Variants in KALRN observed in about 807,000 individuals in gnomAD.
KALRN encodes the protein kalirin RhoGEF kinase, also known as kalirin.
In KALRN, 70 loss-of-function variants were observed where a neutral mutation model predicts 353.7. The observed-to-expected ratio is 0.20, with a 90% CI of 0.16 to 0.24. The LOEUF (loss-of-function observed/expected upper bound fraction) is 0.24, where lower values mean the gene tolerates loss of function less well. Ranked by LOEUF, KALRN falls within the 10% of genes least tolerant of loss-of-function variation. KALRN has a pLI of 1.00. For synonymous variants in KALRN, 1,391 were observed against 1,434.8 expected, an observed-to-expected ratio of 0.97 and a Z score of 0.69; for missense variants, 2,791 against 3,756.7, an observed-to-expected ratio of 0.74 and a Z score of 6.72.
chr3:124,492,659 AGACTG>A (rs2063296263), intron 31 of KALRN, 76 bp from the exon 32 acceptor site: 3 of 1,382,784 alleles, frequency 2.2e-6, no homozygotes, highest in Non-Finnish European at 3.0e-6. Context: ...TAACAGATGA[AGACTG>A]CAGGAGGGTT....
chr3:124,131,336 A>G (rs1196609716), intron 1 of KALRN, among the ~76,000 whole-genome samples: 1 of 152,156 alleles, frequency 6.6e-6, no homozygotes, highest in African/African-American at 2.4e-5. Context: ...CCAGTTACCA[A>G]CTGTGTTTAC....
intron 33 of KALRN, among the ~76,000 whole-genome samples, chr3:124,538,245 TG>T (rs2068702961): frequency 7.9e-6 from 1 of 125,912 alleles, no homozygotes; most frequent in Non-Finnish European, 1.6e-5. Context: ...AAAGAGTGTT[TG>T]TGTGTGTGTG....
intron 1 of KALRN, among the ~76,000 whole-genome samples, chr3:124,074,376 G>A (rs1375806777): frequency 6.6e-6 from 1 of 152,226 alleles, no homozygotes; most frequent in Non-Finnish European, 1.5e-5. Flanking sequence ...TGGCAGGCCT[G>A]ACTGGTCAGG....
intron 34 of KALRN, among the ~76,000 whole-genome samples, chr3:124,619,724 T>C (rs1187603190): frequency 1.3e-5 from 2 of 152,084 alleles, no homozygotes; most frequent in African/African-American, 4.8e-5. Flanking sequence ...TAAGCTCAAA[T>C]GATTCGCCCG....
chr3:124,541,388 T>C (rs1200595766), intron 33 of KALRN, among the ~76,000 whole-genome samples: 1 of 151,674 alleles, frequency 6.6e-6, no homozygotes, highest in African/African-American at 2.4e-5. Context: ...AGGCGGAGGT[T>C]GCAGTGAGCC....
At chr3:124,553,184 G>A (rs981610769) in intron 33 of KALRN, among the ~76,000 whole-genome samples, 10 of 152,200 alleles carry the variant, frequency 6.6e-5, no homozygotes, top group Non-Finnish European at 1.5e-4. Flanking sequence ...AGCATGTAAT[G>A]CATATCAGGG....
intron 18 of KALRN, among the ~76,000 whole-genome samples, chr3:124,440,619 T>C (rs916349949): frequency 6.6e-6 from 1 of 150,680 alleles, no homozygotes; most frequent in Non-Finnish European, 1.5e-5. Flanking sequence ...CTATTAATTA[T>C]ATAATAATTT....
chr3:124,511,359 T>C (rs1382510982), intron 33 of KALRN, among the ~76,000 whole-genome samples: 1 of 152,172 alleles, frequency 6.6e-6, no homozygotes, highest in Non-Finnish European at 1.5e-5. Flanking sequence ...GAACTGAAAC[T>C]AAACTCATCA....
intron 9 of KALRN, 85 bp from the exon 10 acceptor site, chr3:124,347,058 G>T (rs1232856155): frequency 1.6e-5 from 26 of 1,592,644 alleles, no homozygotes; most frequent in Non-Finnish European, 2.1e-5. Flanking sequence ...TATAGGGGTG[G>T]TTAGGACTCT....
intron 34 of KALRN, among the ~76,000 whole-genome samples, chr3:124,563,803 T>G (rs1407824637): frequency 6.6e-6 from 1 of 151,976 alleles, no homozygotes; most frequent in Non-Finnish European, 1.5e-5. Context: ...GAAATGCAGG[T>G]GCCAGCCTGG....
chr3:124,633,992 G>A (rs540186822), intron 36 of KALRN, 39 bp downstream of exon 36: 1 of 1,527,550 alleles, frequency 6.5e-7, no homozygotes, highest in South Asian at 1.1e-5. Context: ...AGAGCAACGT[G>A]CCGTGCGTGA....
At position 124,033,542 on chromosome 3, in the gene KALRN, G is replaced by A. The variant is rs994985724; in HGVS notation, c.-199G>A. Reference sequence around the variant, plus strand: ...AGCTGGCGGCAGGCACCCCCAGCCCGCCGCGCGCCTCCGCCTGAGGGAGGC... The same window carrying A: ...AGCTGGCGGCAGGCACCCCCAGCCCACCGCGCGCCTCCGCCTGAGGGAGGC... On this transcript the variant is annotated 5_prime_UTR_variant, in exon 1 of 60. Transcript: ENST00000682506. This position sits in a 1 kb window ranked among gnomAD's most constrained non-coding sequence, Gnocchi z 6.2. Among the ~76,000 whole-genome samples the A allele has an allele frequency of 1.3e-5, 2 of 151,526 alleles. No individual in the cohort carries two copies. The highest frequency in any genetic ancestry group is 4.8e-5 in the African/African-American group (2 of 41,324).
At chr3:124,611,166 G>A (rs1421206935) in intron 34 of KALRN, among the ~76,000 whole-genome samples, 2 of 152,172 alleles carry the variant, frequency 1.3e-5, no homozygotes. Flanking sequence ...TGCTGATAAG[G>A]CAGCCTTTTA....
At chr3:124,477,056 G>A (rs1176290279) in intron 26 of KALRN, among the ~76,000 whole-genome samples, 189 bp from the exon 27 acceptor site, 9 of 152,196 alleles carry the variant, frequency 5.9e-5, no homozygotes, top group Non-Finnish European at 1.3e-4. Context: ...CGTGCTGACA[G>A]GAGAAAGACA....
At chr3:124,506,451 G>T (rs2065241692) in intron 33 of KALRN, among the ~76,000 whole-genome samples, 1 of 152,178 alleles carries the variant, frequency 6.6e-6, no homozygotes, top group Non-Finnish European at 1.5e-5. Flanking sequence ...TGTTCAGAAT[G>T]TTCAGATAGT....
chr3:124,116,526 TTCTTA>T (rs765259676), intron 1 of KALRN, among the ~76,000 whole-genome samples: 17 of 152,218 alleles, frequency 1.1e-4, no homozygotes, highest in South Asian at 2.1e-4. Context: ...AATCTAGCTT[TTCTTA>T]TCTTAAGTCT....
intron 33 of KALRN, among the ~76,000 whole-genome samples, chr3:124,551,708 C>A (rs1455804708): frequency 2.0e-5 from 3 of 152,160 alleles, no homozygotes; most frequent in Non-Finnish European, 4.4e-5. Flanking sequence ...TCTGAGGGAC[C>A]CCATTCCCCA....
At chr3:124,457,822 T>C (rs1330756248) in intron 23 of KALRN, among the ~76,000 whole-genome samples, 1 of 152,212 alleles carries the variant, frequency 6.6e-6, no homozygotes, top group Non-Finnish European at 1.5e-5. Context: ...AATGGTTTGC[T>C]ACTACCCCTG....
At chr3:124,291,193 C>G (rs1188067047) in intron 5 of KALRN, among the ~76,000 whole-genome samples, 1 of 152,206 alleles carries the variant, frequency 6.6e-6, no homozygotes, top group Non-Finnish European at 1.5e-5. Flanking sequence ...CTTATAAACT[C>G]CATGCCCCAT....
Sources: gnomAD v4.1 joint callset for allele counts (sites outside exome capture counted in the v4.1 genomes callset) on GRCh38, gnomAD v4.1.1 for gene constraint, Gnocchi (gnomAD v3.1) non-coding constraint, MANE v1.5 for transcripts, NCBI Gene and HGNC (gene_info 2026-07-23, HGNC 2026-07-21) for gene names.